Variants in CRISPLD1 observed in about 807,000 individuals in gnomAD.
CRISPLD1 encodes the protein cysteine-rich secretory protein LCCL domain-containing 1.
A neutral mutation model predicts 77.5 loss-of-function variants in CRISPLD1; 60 were observed. That is an observed-to-expected ratio of 0.77 (90% confidence interval 0.63 to 0.96). CRISPLD1 has a LOEUF of 0.96. Ranked by LOEUF, CRISPLD1 falls within the 40% of genes least tolerant of loss-of-function variation. The pLI, the probability that CRISPLD1 is intolerant of heterozygous loss-of-function variation, is 0.00. For missense variants in CRISPLD1, 623 were observed against 615.8 expected, an observed-to-expected ratio of 1.01 and a Z score of -0.12; for synonymous variants, 195 against 200.1, an observed-to-expected ratio of 0.97 and a Z score of 0.22.
At chr8:74,999,479 A>G (rs1421128255) in intron 2 of CRISPLD1, among the ~76,000 whole-genome samples, 2 of 152,200 alleles carry the variant, frequency 1.3e-5, no homozygotes, top group African/African-American at 2.4e-5. Flanking sequence ...TAATGTGCCT[A>G]TGAATCCCCT....
intron 2 of CRISPLD1, among the ~76,000 whole-genome samples, chr8:75,007,157 A>G (rs1203557037): frequency 6.6e-6 from 1 of 152,308 alleles, no homozygotes; most frequent in African/African-American, 2.4e-5. Context: ...AGTTATAAAG[A>G]GTAAACAAGC....
intron 12 of CRISPLD1, among the ~76,000 whole-genome samples, chr8:75,022,198 A>T (rs759280261): frequency 1.3e-5 from 2 of 152,300 alleles, no homozygotes; most frequent in Non-Finnish European, 2.9e-5. Context: ...ATGACAATTT[A>T]TGCATAATAT....
intron 2 of CRISPLD1, among the ~76,000 whole-genome samples, chr8:74,989,044 A>G (rs922670994): frequency 6.6e-6 from 1 of 152,218 alleles, no homozygotes; most frequent in Non-Finnish European, 1.5e-5. Flanking sequence ...GAGATGAGGT[A>G]CATACTGTTT....
chr8:74,986,382 C>T (rs905619641), intron 2 of CRISPLD1, 137 bp downstream of exon 2: 1 of 887,112 alleles, frequency 1.1e-6, no homozygotes, highest in Non-Finnish European at 1.7e-6. Flanking sequence ...TTTTCCTCTG[C>T]ATATTCGTTT....
chr8:75,017,882 A>G (rs1813063008), intron 10 of CRISPLD1, among the ~76,000 whole-genome samples: 1 of 152,210 alleles, frequency 6.6e-6, no homozygotes, highest in South Asian at 2.1e-4. Flanking sequence ...AAAGTTCTCT[A>G]AATATGTATT....
At position 75,034,348 on chromosome 8, in the gene CRISPLD1, T is replaced by C. The variant is rs904268193; in HGVS notation, c.*2106T>C. ...TACGAATTAATTGACACATTATGTG[T>C]GATGTACTTAAAGGAATAATAAATG... On this transcript the variant is annotated 3_prime_UTR_variant, in exon 15 of 15. Transcript: ENST00000262207. 16 of 152,112 alleles carry C rather than the reference T, an allele frequency of 1.1e-4. No individual in the cohort carries two copies. Among genetic ancestry groups the C allele is most frequent in the Admixed American group, 8.5e-4 (13 of 15,264 alleles). The allele number at this position is 152,112 out of a possible 1,614,324, so 9.4% of individuals were successfully genotyped here. A position where few individuals can be genotyped will look rare whatever the true frequency, so the allele number is the denominator to read the frequency against.
intron 2 of CRISPLD1, among the ~76,000 whole-genome samples, chr8:74,993,707 G>A (rs1374786031): frequency 6.6e-6 from 1 of 152,200 alleles, no homozygotes; most frequent in African/African-American, 2.4e-5. Context: ...GACAAGAGAA[G>A]AAAAGTAGTT....
chr8:75,014,944 G>T, intron 6 of CRISPLD1, 32 bp downstream of exon 6: 1 of 1,423,038 alleles, frequency 7.0e-7, no homozygotes, highest in South Asian at 1.4e-5. Flanking sequence ...TATTCATGTT[G>T]ATTTATATTT....
chr8:75,013,413 A>G (rs887905470), intron 4 of CRISPLD1, among the ~76,000 whole-genome samples: 1 of 152,084 alleles, frequency 6.6e-6, no homozygotes, highest in African/African-American at 2.4e-5. Context: ...CGTGTTCACA[A>G]TTGGTATGTT....
At chr8:75,006,138 A>C (rs1450253560) in intron 2 of CRISPLD1, among the ~76,000 whole-genome samples, 1 of 152,056 alleles carries the variant, frequency 6.6e-6, no homozygotes, top group Non-Finnish European at 1.5e-5. Flanking sequence ...GCATGTGCCC[A>C]CTGTTTAACC....
At chr8:75,003,322 T>C (rs1262792547) in intron 2 of CRISPLD1, among the ~76,000 whole-genome samples, 1 of 152,256 alleles carries the variant, frequency 6.6e-6, no homozygotes, top group African/African-American at 2.4e-5. Flanking sequence ...CCATAAACTT[T>C]CTTCTTTTGT....
chr8:75,019,514 G>A (rs1353475716), intron 10 of CRISPLD1, among the ~76,000 whole-genome samples: 1 of 152,072 alleles, frequency 6.6e-6, no homozygotes, highest in Non-Finnish European at 1.5e-5. Context: ...TTCCTGTTGT[G>A]AAAGACTAAA....
chr8:74,993,921 G>A (rs1249081055), intron 2 of CRISPLD1, among the ~76,000 whole-genome samples: 1 of 152,218 alleles, frequency 6.6e-6, no homozygotes, highest in Admixed American at 6.5e-5. Context: ...CCATGTGGCA[G>A]ACAGAGGGAG....
At position 75,033,366 on chromosome 8, in the gene CRISPLD1, A is replaced by C. The variant is rs552298614; in HGVS notation, c.*1124A>C. 1 of 152,248 alleles carries C rather than the reference A, an allele frequency of 6.6e-6. No homozygotes were observed. The highest frequency in any genetic ancestry group is 2.1e-4 in the South Asian group (1 of 4,826). 9.4% of individuals were successfully genotyped at this position (152,248 alleles called of 1,614,324 possible). A position where few individuals can be genotyped will look rare whatever the true frequency, so the allele number is the denominator to read the frequency against. ...GAAATCACTTTAAGATAAATGAACA[A>C]AATTATTGTAAGTCTTCTAAACTTG... On this transcript the variant is annotated 3_prime_UTR_variant, in exon 15 of 15. Coordinates refer to ENST00000262207, the MANE Select transcript of CRISPLD1 (RefSeq NM_031461.6).
chr8:74,985,952 G>T lies in CRISPLD1; in HGVS notation c.-36G>T. 1 of 1,589,620 alleles carries T rather than the reference G, an allele frequency of 6.3e-7. No homozygotes were observed. The highest frequency in any genetic ancestry group is 8.6e-7 in the Non-Finnish European group (1 of 1,164,008). ...CAAAAGGAGTGGAAGAGCCTGTCTT[G>T]GAGATTTTCCTGGGGAAATCCTGAG... is the stretch of plus-strand genomic sequence containing the variant. On this transcript the variant is annotated 5_prime_UTR_variant, in exon 2 of 15. Transcript: ENST00000262207.
At chr8:75,014,341 G>A (rs938876712) in intron 5 of CRISPLD1, among the ~76,000 whole-genome samples, 1 of 151,740 alleles carries the variant, frequency 6.6e-6, no homozygotes, top group African/African-American at 2.4e-5. Flanking sequence ...TTATGTCTTT[G>A]GTTTTACTCA....
At position 75,009,585 on chromosome 8, in the gene CRISPLD1, TAA is replaced by T. The variant is rs77136798; in HGVS notation, c.259-2837_259-2836del. On this transcript the variant is annotated intron_variant, in intron 2 of 14. Coordinates refer to ENST00000262207, the MANE Select transcript of CRISPLD1 (RefSeq NM_031461.6). ...CTCTTTGAATATGAGATTGATATAT[TAA>T]AAAAAAAAAACCTACAGATAAGTGT... 4.8e-5 allele frequency among the ~76,000 whole-genome samples: 7 copies of T among 144,968 alleles called. No homozygotes were observed. In the East Asian group the frequency reaches 6.0e-4, roughly 12 times the overall value.
intron 2 of CRISPLD1, among the ~76,000 whole-genome samples, chr8:74,991,771 C>G (rs762358399): frequency 3.9e-5 from 6 of 152,114 alleles, no homozygotes; most frequent in Admixed American, 3.9e-4. Context: ...CTCAGGTGAT[C>G]CACCCACCTC....
chr8:74,990,560 G>T (rs796997998), intron 2 of CRISPLD1, among the ~76,000 whole-genome samples: 45 of 151,962 alleles, frequency 3.0e-4, no homozygotes, highest in African/African-American at 1.0e-3. Flanking sequence ...ATCTCCAGCT[G>T]ACAGCCTTGT....
Sources: allele counts gnomAD v4.1 joint callset (sites outside exome capture counted in the v4.1 genomes callset), GRCh38; gene constraint gnomAD v4.1.1; transcripts MANE v1.5; gene names NCBI Gene and HGNC (gene_info 2026-07-23, HGNC 2026-07-21).